Variants in RERG observed in about 807,000 individuals in gnomAD.
RERG encodes ras-related and estrogen-regulated growth inhibitor.
In RERG, 25 loss-of-function variants were observed where a neutral mutation model predicts 23.2. That is an observed-to-expected ratio of 1.08 (90% CI 0.79 to 1.50). The LOEUF (loss-of-function observed/expected upper bound fraction) is 1.50, where lower values mean the gene tolerates loss of function less well. Among genes scored for constraint, RERG ranks in the 40% most tolerant of loss-of-function variants. The pLI is 0.00. For synonymous variants in RERG, 81 were observed against 89.1 expected (o/e 0.91, Z 0.51); for missense variants, 253 against 250.1 (o/e 1.01, Z -0.08).
At chr12:15,182,257 C>T (rs147901658) in intron 2 of RERG, among the ~76,000 whole-genome samples, 2,130 of 152,024 alleles carry the variant, frequency 0.014, 45 homozygotes, top group African/African-American at 0.049. Flanking sequence ...GGGATTTCTC[C>T]ATGTTGGTCA....
At chr12:15,173,904 A>C (rs1864810367) in intron 2 of RERG, among the ~76,000 whole-genome samples, 1 of 152,024 alleles carries the variant, frequency 6.6e-6, no homozygotes, top group Admixed American at 6.6e-5. Flanking sequence ...GTTGTCTGCA[A>C]ATAGTTGTTT....
At chr12:15,151,906 T>C (rs757626323) in intron 2 of RERG, 1 of 152,160 alleles carries the variant, frequency 6.6e-6, no homozygotes, top group Admixed American at 6.5e-5. Flanking sequence ...AACCATTTGA[T>C]TGGAAAAGTA....
At chr12:15,129,598 A>C (rs1180394840) in intron 2 of RERG, among the ~76,000 whole-genome samples, 3 of 152,140 alleles carry the variant, frequency 2.0e-5, no homozygotes, top group Non-Finnish European at 4.4e-5. Context: ...CTAAGCCATA[A>C]GCTGAGTCTT....
At chr12:15,184,304 C>T (rs7953647) in intron 2 of RERG, among the ~76,000 whole-genome samples, 22,380 of 152,056 alleles carry the variant, frequency 0.15, 2,427 homozygotes, top group African/African-American at 0.3. Flanking sequence ...TAATTCCAAA[C>T]GAACCTAGTT....
intron 2 of RERG, among the ~76,000 whole-genome samples, chr12:15,204,948 GATCTGTAGCTTAATTGTGT>G (rs1865263890): frequency 6.6e-6 from 1 of 151,754 alleles, no homozygotes; most frequent in African/African-American, 2.4e-5. Context: ...ATAATTCTAG[GATCTGTAGCTTAATTGTGT>G]ATCTACATCA....
chr12:15,137,749 C>T (rs1472916391), intron 2 of RERG: 1 of 365,072 alleles, frequency 2.7e-6, no homozygotes, highest in African/African-American at 2.1e-5. Flanking sequence ...ATTATAAATA[C>T]ATTGTTTCCT....
chr12:15,109,485 T>C lies in RERG; in HGVS notation c.225A>G (p.Arg75=). Residue 75 remains arginine (R), a synonymous_variant, in exon 5 of 5, where the codon CGA becomes CGG. Coordinates refer to ENST00000256953, the MANE Select transcript of RERG (RefSeq NM_032918.3). ...AGACCAGCACAAAGCCTTCCCCCCATCGCATGTGCCCCTCCCTCTGAATGG... is the reference window on the plus strand; with the variant it reads ...AGACCAGCACAAAGCCTTCCCCCCACCGCATGTGCCCCTCCCTCTGAATGG... The part of the protein sequence containing the change: ...EDTIQREGHM[R]WGEGFVLVYD... The C allele has an allele frequency of 6.2e-7, 1 of 1,610,830 alleles. No homozygotes were observed.
chr12:15,140,803 C>T (rs1050644546), intron 2 of RERG, among the ~76,000 whole-genome samples: 7 of 151,938 alleles, frequency 4.6e-5, no homozygotes, highest in African/African-American at 1.7e-4. Flanking sequence ...AAAGATCTTC[C>T]CCCCATGCCA....
chr12:15,181,111 C>T (rs1383934188), intron 2 of RERG, among the ~76,000 whole-genome samples: 1 of 152,082 alleles, frequency 6.6e-6, no homozygotes, highest in African/African-American at 2.4e-5. Flanking sequence ...CACCTTCTGC[C>T]GCTGAGACTC....
At chr12:15,161,836 T>C (rs1214151628) in intron 2 of RERG, among the ~76,000 whole-genome samples, 1 of 152,164 alleles carries the variant, frequency 6.6e-6, no homozygotes, top group Non-Finnish European at 1.5e-5. Flanking sequence ...TTCTAAGTAT[T>C]TTGCATTAAA....
At chr12:15,167,270 T>G (rs533253324) in intron 2 of RERG, among the ~76,000 whole-genome samples, 4 of 152,280 alleles carry the variant, frequency 2.6e-5, no homozygotes, top group South Asian at 4.1e-4. Context: ...GGCTCTAGAC[T>G]GGCCCTCCCT....
At chr12:15,179,964 A>G (rs1864902137) in intron 2 of RERG, among the ~76,000 whole-genome samples, 1 of 152,198 alleles carries the variant, frequency 6.6e-6, no homozygotes, top group African/African-American at 2.4e-5. Flanking sequence ...GTTGTAATGA[A>G]AAGCATTACA....
chr12:15,166,709 ATTG>A (rs1021183846), intron 2 of RERG, among the ~76,000 whole-genome samples: 1 of 151,988 alleles, frequency 6.6e-6, no homozygotes, highest in African/African-American at 2.4e-5. Flanking sequence ...TGTTGCTTTC[ATTG>A]TTGTTGTTAT....
In RERG at chr12:15,109,407, G is replaced by C; in HGVS notation, c.303C>G (p.Ile101Met). ...SFEEVLPLKNILDEIKKPKNV... is the reference protein window; with the variant it reads ...SFEEVLPLKNMLDEIKKPKNV... ...TCTTGGGCTTTTTGATCTCATCTAG[G>C]ATGTTCTTAAGTGGCAGCACTTCCT... The change falls in exon 5 of 5, where the codon ATC (isoleucine) becomes ATG (methionine). Residue 101 changes from isoleucine to methionine, a missense_variant. Transcript: ENST00000256953. 1 of 1,613,968 alleles carries C rather than the reference G, an allele frequency of 6.2e-7. No individual in the cohort carries two copies. Among genetic ancestry groups the C allele is most frequent in the Non-Finnish European group, 8.5e-7 (1 of 1,180,000 alleles).
chr12:15,129,577 T>G (rs923195020), intron 2 of RERG, among the ~76,000 whole-genome samples: 1 of 152,030 alleles, frequency 6.6e-6, no homozygotes, highest in Non-Finnish European at 1.5e-5. Context: ...AGAAATGACT[T>G]TATATTAAAG....
chr12:15,134,979 G>T (rs995370946), intron 2 of RERG, among the ~76,000 whole-genome samples: 10 of 152,078 alleles, frequency 6.6e-5, no homozygotes, highest in African/African-American at 2.4e-4. Flanking sequence ...TATTTCAATT[G>T]TATTGAATCT....
intron 4 of RERG, among the ~76,000 whole-genome samples, chr12:15,110,564 C>T (rs1863594068): frequency 1.4e-5 from 2 of 147,808 alleles, no homozygotes; most frequent in Non-Finnish European, 3.0e-5. Flanking sequence ...CTGCAAGCTC[C>T]GCCTCCCGGG....
intron 2 of RERG, among the ~76,000 whole-genome samples, chr12:15,189,057 G>A (rs1239251689): frequency 6.6e-6 from 1 of 152,088 alleles, no homozygotes; most frequent in Admixed American, 6.6e-5. Context: ...TGCCTTACTT[G>A]GATTATTGCA....
intron 2 of RERG, among the ~76,000 whole-genome samples, chr12:15,212,042 CTTTTTTTT>C (rs772353150): frequency 9.3e-5 from 6 of 64,712 alleles, no homozygotes; most frequent in African/African-American, 1.7e-4. Context: ...CACGAATAAA[CTTTTTTTT>C]TTTTTTTTTT....
Sources: gnomAD v4.1 joint callset for allele counts (sites outside exome capture counted in the v4.1 genomes callset) on GRCh38, gnomAD v4.1.1 for gene constraint, MANE v1.5 for transcripts, NCBI Gene and HGNC (gene_info 2026-07-23, HGNC 2026-07-21) for gene names.